Variants in CUX2 observed in about 807,000 individuals in gnomAD.
The protein encoded by CUX2 is cut like homeobox 2.
CUX2 carries 40 observed loss-of-function variants against 144.8 expected under a neutral mutation model. The ratio of observed to expected loss-of-function variants is 0.28; its 90% CI spans 0.21 to 0.36. CUX2 has a LOEUF of 0.36. CUX2 is among the 10% of genes least tolerant of loss of function. The probability of loss-of-function intolerance (pLI) is 1.00; values close to 1 mark genes in which losing one functional copy is unlikely to be tolerated. For missense variants in CUX2, 1,615 were observed against 1,994.0 expected (o/e 0.81, Z 3.62); for synonymous variants, 827 against 875.6 (o/e 0.94, Z 0.98).
chr12:111,303,145 C>T (rs373483072), intron 9 of CUX2, among the ~76,000 whole-genome samples: 9 of 141,050 alleles, frequency 6.4e-5, no homozygotes, highest in South Asian at 2.4e-4. Flanking sequence ...CAATTGATCC[C>T]GGGAGTTGGA....
intron 1 of CUX2, among the ~76,000 whole-genome samples, chr12:111,161,112 G>A (rs1167434433): frequency 6.6e-6 from 1 of 152,126 alleles, no homozygotes; most frequent in African/African-American, 2.4e-5. Context: ...GGCTCAAAGG[G>A]CCAGCCCTTG....
chr12:111,189,465 C>G (rs1283637622), intron 1 of CUX2, among the ~76,000 whole-genome samples: 1 of 152,222 alleles, frequency 6.6e-6, no homozygotes, highest in Admixed American at 6.5e-5. Context: ...TTGCACTGGG[C>G]TGGTTTTGTT....
At chr12:111,330,020 C>G (rs1456755370) in intron 18 of CUX2, among the ~76,000 whole-genome samples, 1 of 152,168 alleles carries the variant, frequency 6.6e-6, no homozygotes, top group Non-Finnish European at 1.5e-5. Flanking sequence ...CTCTCACTTT[C>G]CCAGACTGGC....
chr12:111,262,570 G>C (rs935187809), intron 3 of CUX2, among the ~76,000 whole-genome samples: 4 of 151,754 alleles, frequency 2.6e-5, no homozygotes, highest in African/African-American at 7.3e-5. Context: ...GTAGAAACAG[G>C]GTCTCACTAT....
At chr12:111,261,848 T>C (rs995950329) in intron 3 of CUX2, among the ~76,000 whole-genome samples, 2 of 152,132 alleles carry the variant, frequency 1.3e-5, no homozygotes, top group East Asian at 3.8e-4. Context: ...GAGGTTACAG[T>C]GAGCCAAGAT....
rs779742846 is a variant in CUX2 at position 111,310,213 on chromosome 12, G to A, written c.1431G>A (p.Ser477=). Reference sequence around the variant, plus strand: ...GGCCTGACGGCACTCGGACTTTCTCGCTGTCCCCCTTCCCCAGCCTGGCAT... The same window carrying A: ...GGCCTGACGGCACTCGGACTTTCTCACTGTCCCCCTTCCCCAGCCTGGCAT... ...SLGPDGTRTF[S]LSPFPSLASG... Residue 477 remains serine, a synonymous_variant, in exon 15 of 22, where the codon TCG becomes TCA. Coordinates refer to ENST00000261726, the MANE Select transcript of CUX2 (RefSeq NM_015267.4). The surrounding 1 kb of genome is among the most constrained non-coding windows in gnomAD (Gnocchi z 7.9). 1.4e-5 allele frequency: 21 copies of A among 1,514,282 alleles called. No individual in the cohort carries two copies. The highest frequency in any genetic ancestry group is 1.1e-4 in the South Asian group (8 of 74,648). The allele number at this position is 1,514,282 out of a possible 1,614,324, so 93.8% of individuals were successfully genotyped here. A position where few individuals can be genotyped will look rare whatever the true frequency, so the allele number is the denominator to read the frequency against.
At chr12:111,315,247 G>C (rs1887133274) in intron 16 of CUX2, among the ~76,000 whole-genome samples, 1 of 152,188 alleles carries the variant, frequency 6.6e-6, no homozygotes, top group African/African-American at 2.4e-5. Context: ...GGATTGGAAG[G>C]AAATGTCCAG....
At chr12:111,136,779 T>G (rs992122664) in intron 1 of CUX2, among the ~76,000 whole-genome samples, 1 of 152,136 alleles carries the variant, frequency 6.6e-6, no homozygotes, top group African/African-American at 2.4e-5. Context: ...GACCCAGCCA[T>G]TTGTTTGTCA....
intron 1 of CUX2, among the ~76,000 whole-genome samples, chr12:111,051,920 G>A (rs903927417): frequency 1.3e-5 from 2 of 151,148 alleles, no homozygotes; most frequent in African/African-American, 4.9e-5. Flanking sequence ...TTTGTGCTAG[G>A]GTTTACCATA....
At chr12:111,345,894 G>A (rs918502501) in intron 21 of CUX2, among the ~76,000 whole-genome samples, 15 of 146,592 alleles carry the variant, frequency 1.0e-4, no homozygotes, top group Admixed American at 6.2e-4. Context: ...TGGATTGCTT[G>A]AGGTCAGGAG....
At chr12:111,212,479 C>T (rs1383005372) in intron 1 of CUX2, among the ~76,000 whole-genome samples, 1 of 152,200 alleles carries the variant, frequency 6.6e-6, no homozygotes, top group East Asian at 1.9e-4. Context: ...GCCTTGACCT[C>T]CTGAGCTCAA....
chr12:111,067,321 C>T (rs1463947261), intron 1 of CUX2, among the ~76,000 whole-genome samples: 1 of 152,084 alleles, frequency 6.6e-6, no homozygotes, highest in African/African-American at 2.4e-5. Flanking sequence ...CTCTGTTGTC[C>T]CTATAGCTGA....
intron 1 of CUX2, among the ~76,000 whole-genome samples, chr12:111,047,208 G>A (rs573380764): frequency 4.6e-5 from 7 of 152,216 alleles, no homozygotes; most frequent in Non-Finnish European, 8.8e-5. Flanking sequence ...TCTCGGCTGG[G>A]GCTGATAATA....
At chr12:111,278,157 C>G (rs950643424) in intron 4 of CUX2, among the ~76,000 whole-genome samples, 2 of 152,204 alleles carry the variant, frequency 1.3e-5, no homozygotes, top group Non-Finnish European at 2.9e-5. Context: ...TGGCTCACAC[C>G]TGTAATCCCA....
At chr12:111,041,464 T>C (rs906658408) in intron 1 of CUX2, among the ~76,000 whole-genome samples, 2 of 152,234 alleles carry the variant, frequency 1.3e-5, no homozygotes, top group Non-Finnish European at 2.9e-5. Flanking sequence ...TAATATTATA[T>C]GTAGTATATT....
intron 4 of CUX2, among the ~76,000 whole-genome samples, chr12:111,267,803 C>T (rs957478830): frequency 2.6e-5 from 4 of 151,862 alleles, no homozygotes; most frequent in African/African-American, 7.3e-5. Context: ...CTCAATCTCC[C>T]TCTCCTTTCT....
intron 1 of CUX2, among the ~76,000 whole-genome samples, chr12:111,203,593 G>T (rs965200396): frequency 1.3e-5 from 2 of 152,006 alleles, no homozygotes; most frequent in Non-Finnish European, 2.9e-5. Context: ...GGACCCATGT[G>T]CCTGGAGCAG....
At chr12:111,176,638 CA>C (rs1327460356) in intron 1 of CUX2, among the ~76,000 whole-genome samples, 1 of 152,124 alleles carries the variant, frequency 6.6e-6, no homozygotes, top group African/African-American at 2.4e-5. Context: ...TTGTTGTGTC[CA>C]ACCCCCACTC....
At chr12:111,311,715 C>T (rs1004458584) in intron 15 of CUX2, among the ~76,000 whole-genome samples, 15 of 151,992 alleles carry the variant, frequency 9.9e-5, no homozygotes, top group Middle Eastern at 3.4e-3. Context: ...TCTCCTGCCT[C>T]AGCCTCCTGA....
Sources: gnomAD v4.1 joint callset for allele counts (sites outside exome capture counted in the v4.1 genomes callset) on GRCh38, gnomAD v4.1.1 for gene constraint, Gnocchi (gnomAD v3.1) non-coding constraint, MANE v1.5 for transcripts, NCBI Gene and HGNC (gene_info 2026-07-23, HGNC 2026-07-21) for gene names.